The following GLB1 variants were observed in gnomAD, a reference collection of about 807,000 sequenced individuals.
GLB1 encodes the protein beta-galactosidase.
GLB1 carries 56 observed loss-of-function variants against 74.0 expected under a neutral mutation model. The ratio of observed to expected loss-of-function variants is 0.76; its 90% confidence interval spans 0.61 to 0.94. The LOEUF is 0.94. Ranked by LOEUF, GLB1 falls within the 40% of genes least tolerant of loss-of-function variation. GLB1 has a pLI of 0.00. For synonymous variants in GLB1, 323 were observed against 323.6 expected (o/e 1.00, Z 0.02); for missense variants, 787 against 845.5 (o/e 0.93, Z 0.86).
the GLB1 span, among the ~76,000 whole-genome samples, chr3:32,982,853 T>A: frequency 6.6e-6 from 1 of 152,236 alleles, no homozygotes; most frequent in Non-Finnish European, 1.5e-5. Flanking sequence ...GCCAACATTC[T>A]TGAGGGAGAA....
chr3:33,063,140 T>C (rs1699517104), intron 5 of GLB1, among the ~76,000 whole-genome samples: 1 of 151,692 alleles, frequency 6.6e-6, no homozygotes, highest in Admixed American at 6.6e-5. Flanking sequence ...CCATGAAAGA[T>C]GATGAAAGAA....
At chr3:33,055,751 G>A (rs1268810761) in intron 6 of GLB1, among the ~76,000 whole-genome samples, 3 of 151,080 alleles carry the variant, frequency 2.0e-5, no homozygotes, top group Non-Finnish European at 4.4e-5. Flanking sequence ...ACAGGTAGGA[G>A]GCACTGCGCT....
the GLB1 span, among the ~76,000 whole-genome samples, chr3:32,964,302 G>A: frequency 6.6e-6 from 1 of 152,204 alleles, no homozygotes; most frequent in Non-Finnish European, 1.5e-5. Flanking sequence ...TGGTTCACAT[G>A]GAGCATTGTG....
At chr3:33,041,717 G>GA in intron 10 of GLB1, among the ~76,000 whole-genome samples, 2 of 149,202 alleles carry the variant, frequency 1.3e-5, no homozygotes, top group East Asian at 2.0e-4. Context: ...AAATGAGGGT[G>GA]AAAAAAAAAT....
intron 1 of GLB1, chr3:33,091,780 A>C: frequency 1.0e-6 from 1 of 985,408 alleles, no homozygotes; most frequent in Non-Finnish European, 1.2e-6. Flanking sequence ...TTGGAGGAAG[A>C]CTTTCCATCA....
At chr3:33,076,538 G>C (rs1248451161) in intron 1 of GLB1, among the ~76,000 whole-genome samples, 1 of 152,186 alleles carries the variant, frequency 6.6e-6, no homozygotes, top group Admixed American at 6.5e-5. Context: ...ACAATGAGGT[G>C]GGCAGGAGGC....
chr3:33,046,154 T>C lies in GLB1; in HGVS notation c.1034A>G (p.Glu345Gly). ...GATGTTTCGCAGAGCAAAATACTTC[T>C]CAGTGAGGTCCCCAGCCTCACTCAG... ...APLSEAGDLT[E>G]KYFALRNIIQ... is the part of the protein sequence containing the mutation. Residue 345 changes from glutamate to glycine, a missense_variant, in exon 10 of 16, where the codon GAG becomes GGG. Physicochemically the swap from Glu to Gly is moderately conservative, Grantham distance 98 (BLOSUM62 -2). Transcript: ENST00000307363. 6.2e-7 allele frequency: 1 copy of C among 1,613,716 alleles called. No homozygotes were observed. Among genetic ancestry groups the C allele is most frequent in the Non-Finnish European group, 8.5e-7 (1 of 1,179,974 alleles).
At chr3:32,969,232 A>C in the GLB1 span, among the ~76,000 whole-genome samples, 1 of 152,232 alleles carries the variant, frequency 6.6e-6, no homozygotes, top group African/African-American at 2.4e-5. Flanking sequence ...TTCTGCTTAG[A>C]AAGCAGAGCT....
chr3:33,014,416 C>A (rs893047165), intron 14 of GLB1, 106 bp from the exon 15 acceptor site: 1 of 1,524,718 alleles, frequency 6.6e-7, no homozygotes, highest in African/African-American at 1.4e-5. Context: ...ATACAAAACA[C>A]CAACAGGAAA....
intron 15 of GLB1, among the ~76,000 whole-genome samples, chr3:33,011,072 G>T (rs1188158947): frequency 6.6e-6 from 1 of 152,110 alleles, no homozygotes; most frequent in African/African-American, 2.4e-5. Flanking sequence ...GCCCAGGCTG[G>T]TCTTGAACTC....
At chr3:33,052,458 C>A (rs1161822722) in intron 7 of GLB1, among the ~76,000 whole-genome samples, 3 of 152,018 alleles carry the variant, frequency 2.0e-5, no homozygotes, top group African/African-American at 7.2e-5. Flanking sequence ...ATGGTGAAAC[C>A]CCATCTCAAC....
intron 10 of GLB1, among the ~76,000 whole-genome samples, chr3:33,033,041 G>T (rs181046195): frequency 2.6e-5 from 4 of 152,322 alleles, no homozygotes; most frequent in African/African-American, 9.6e-5. Context: ...CTTTACATGG[G>T]TACAGTAGGA....
intron 5 of GLB1, among the ~76,000 whole-genome samples, chr3:33,064,450 A>AC (rs1559407682): frequency 1.5e-5 from 2 of 133,350 alleles, no homozygotes; most frequent in African/African-American, 5.6e-5. Flanking sequence ...CTAAAAAAAA[A>AC]AACAAAAAAC....
intron 15 of GLB1, among the ~76,000 whole-genome samples, chr3:32,999,971 T>G (rs901343124): frequency 6.6e-6 from 1 of 150,614 alleles, no homozygotes; most frequent in Non-Finnish European, 1.5e-5. Flanking sequence ...TCTTTTTTCC[T>G]TTTTGAGGCA....
chr3:33,082,679 A>G (rs1306396837), intron 1 of GLB1, among the ~76,000 whole-genome samples: 1 of 152,176 alleles, frequency 6.6e-6, no homozygotes, highest in East Asian at 1.9e-4. Flanking sequence ...TTCAAATCCT[A>G]CTGATAAAAA....
At chr3:33,048,385 G>A (rs778717653) in intron 9 of GLB1, among the ~76,000 whole-genome samples, 4 of 152,206 alleles carry the variant, frequency 2.6e-5, no homozygotes, top group African/African-American at 9.6e-5. Flanking sequence ...GAGGGTGTGA[G>A]GTGGGAAGGT....
intron 7 of GLB1, 82 bp from the exon 8 acceptor site, chr3:33,052,086 G>T: frequency 1.3e-6 from 2 of 1,599,528 alleles, no homozygotes; most frequent in Middle Eastern, 4.4e-4. Context: ...CCCCATCTAT[G>T]ACAGGTGTAA....
At position 33,093,857 on chromosome 3, in the gene GLB1, G is replaced by C. The variant is rs1700883680; in HGVS notation, c.75+3154C>G. The C allele has an allele frequency of 1.2e-6, 2 of 1,613,786 alleles. No individual in the cohort carries two copies. The highest frequency in any genetic ancestry group is 1.3e-5 in the African/African-American group (1 of 75,068). On this transcript the variant is annotated intron_variant, in intron 1 of 15. Coordinates refer to ENST00000307363, the MANE Select transcript of GLB1 (RefSeq NM_000404.4). This position sits in a 1 kb window ranked among gnomAD's most constrained non-coding sequence, Gnocchi z 6.0. Reference sequence around the variant, plus strand: ...GGCAGGAGTAGGCCGCCAAGGAAAAGAGATAGGGCTCTTCGGCCACTAAAA... The same window carrying C: ...GGCAGGAGTAGGCCGCCAAGGAAAACAGATAGGGCTCTTCGGCCACTAAAA...
chr3:33,050,022 C>T (rs1698910591), intron 9 of GLB1, among the ~76,000 whole-genome samples: 1 of 152,158 alleles, frequency 6.6e-6, no homozygotes, highest in African/African-American at 2.4e-5. Flanking sequence ...GCCTTCAAAA[C>T]TCAACAGCTG....
Sources: allele counts gnomAD v4.1 joint callset (sites outside exome capture counted in the v4.1 genomes callset), GRCh38; gene constraint gnomAD v4.1.1; non-coding constraint Gnocchi (gnomAD v3.1); transcripts MANE v1.5; gene names NCBI Gene and HGNC (gene_info 2026-07-23, HGNC 2026-07-21).